SPATA9: variants seen among roughly 807,000 people sequenced by gnomAD.
SPATA9 encodes the protein spermatogenesis associated 9.
SPATA9 carries 27 observed loss-of-function variants against 25.5 expected under a neutral mutation model. The observed-to-expected ratio is 1.06, with a 90% CI of 0.78 to 1.46. The LOEUF (loss-of-function observed/expected upper bound fraction) is 1.46. Among genes scored for constraint, SPATA9 ranks in the 40% most tolerant of loss-of-function variants. SPATA9 has a pLI of 0.00. For synonymous variants in SPATA9, 102 were observed against 105.7 expected (o/e 0.97, Z 0.21); for missense variants, 282 against 297.5 (o/e 0.95, Z 0.38).
At chr5:95,713,372 T>A in the SPATA9 span, 4 of 151,940 alleles carry the variant, frequency 2.6e-5, no homozygotes, top group Non-Finnish European at 4.4e-5. Flanking sequence ...GGTGATTGGA[T>A]CATGGCGGTG....
At chr5:95,703,775 A>G in the SPATA9 span, among the ~76,000 whole-genome samples, 949 of 152,356 alleles carry the variant, frequency 6.2e-3, 8 homozygotes, top group African/African-American at 0.021. Flanking sequence ...ACAAAATAGT[A>G]AACATGTATT....
chr5:95,726,509 A>C, the SPATA9 span, among the ~76,000 whole-genome samples: 1 of 152,262 alleles, frequency 6.6e-6, no homozygotes, highest in African/African-American at 2.4e-5. Context: ...TAACTATAAT[A>C]TGCACTTAGG....
intron 4 of SPATA9, among the ~76,000 whole-genome samples, chr5:95,662,919 A>G (rs1751397761): frequency 6.6e-6 from 1 of 152,202 alleles, no homozygotes. Flanking sequence ...GATTGACAAT[A>G]CTGTCAGTAA....
rs1438357947 is a variant in SPATA9, at chr5:95,672,586, AAAG to A, written c.378+2823_378+2825del. ...CACATAAGATAATTAGAATAAGGGC[AAAG>A]AAGAAGAGATTTCATAGTCATGGAT... On this transcript the variant is annotated intron_variant, in intron 3 of 4. Coordinates refer to ENST00000274432, the MANE Select transcript of SPATA9 (RefSeq NM_031952.4). Among the ~76,000 whole-genome samples, 8 of 152,302 alleles carry A rather than the reference AAAG, an allele frequency of 5.3e-5. No homozygotes were observed. In the South Asian group the frequency reaches 1.2e-3, roughly 24 times the overall value.
intron 1 of SPATA9, among the ~76,000 whole-genome samples, chr5:95,698,272 G>T (rs1056393602): frequency 1.1e-4 from 17 of 152,178 alleles, no homozygotes; most frequent in East Asian, 7.7e-4. Flanking sequence ...TAAGCAGACA[G>T]TGGGGCTGGA....
chr5:95,669,390 C>T (rs983932642), intron 3 of SPATA9, among the ~76,000 whole-genome samples: 1 of 152,058 alleles, frequency 6.6e-6, no homozygotes, highest in African/African-American at 2.4e-5. Context: ...GTTTAAACCC[C>T]AAATTGGAGT....
chr5:95,723,764 C>T, the SPATA9 span, among the ~76,000 whole-genome samples: 2 of 152,162 alleles, frequency 1.3e-5, no homozygotes, highest in Non-Finnish European at 2.9e-5. Flanking sequence ...TAGCCAGCCC[C>T]AGTGCTGTGT....
chr5:95,688,917 A>T (rs1418869027), intron 1 of SPATA9, among the ~76,000 whole-genome samples: 5 of 152,236 alleles, frequency 3.3e-5, no homozygotes, highest in Non-Finnish European at 4.4e-5. Flanking sequence ...AAAATCTATT[A>T]GTTACATCTC....
At chr5:95,693,359 A>G (rs554861116) in intron 1 of SPATA9, among the ~76,000 whole-genome samples, 44 of 152,378 alleles carry the variant, frequency 2.9e-4, no homozygotes, top group South Asian at 1.4e-3. Flanking sequence ...AATAAAGCAT[A>G]ATATATCCAT....
At chr5:95,683,661 C>T (rs1277308192), upstream of SPATA9, among the ~76,000 whole-genome samples, 4 of 152,138 alleles carry the variant, frequency 2.6e-5, no homozygotes, top group Non-Finnish European at 4.4e-5. Flanking sequence ...TCTCAGCCTC[C>T]CGAGTAGCTG....
downstream of SPATA9, chr5:95,654,134 G>A: frequency 1.2e-6 from 2 of 1,612,116 alleles, no homozygotes; most frequent in Non-Finnish European, 1.7e-6. Context: ...CAGAGAAGAT[G>A]ACATTAAAAA....
In SPATA9 at chr5:95,667,233, C is replaced by T. The variant is rs188620593; in HGVS notation, c.379-3185G>A. ...CACTACTGAATGCAGAACAAAAATG[C>T]CCACTGCAATTTCCTTCTTCCCTCT... On this transcript the variant is annotated intron_variant, in intron 3 of 4. Coordinates refer to ENST00000274432, the MANE Select transcript of SPATA9 (RefSeq NM_031952.4). 2.0e-5 allele frequency among the ~76,000 whole-genome samples: 3 copies of T among 151,738 alleles called. No individual in the cohort carries two copies. In the East Asian group the frequency reaches 5.8e-4, roughly 29 times the overall value.
intron 1 of SPATA9, among the ~76,000 whole-genome samples, chr5:95,690,411 T>A (rs576279296): frequency 3.6e-4 from 55 of 152,294 alleles, no homozygotes; most frequent in Middle Eastern, 6.8e-3. Context: ...AAATATGTGA[T>A]ACCAAGTCTG....
chr5:95,708,738 G>T, the SPATA9 span: 19 of 670,912 alleles, frequency 2.8e-5, no homozygotes, highest in Non-Finnish European at 5.2e-5. Flanking sequence ...GTTCTTCATG[G>T]GTGCGAGCTG....
In SPATA9 at chr5:95,664,073, T is replaced by G. The variant is rs762374092; in HGVS notation, c.379-25A>C. The G allele has an allele frequency of 3.0e-5, 41 of 1,388,510 alleles. No individual in the cohort carries two copies. The South Asian group carries it at 3.0e-4, about 10-fold the overall frequency. 86.0% of individuals were successfully genotyped at this position (1,388,510 alleles called of 1,614,324 possible). ...CCTGCAAAAACAGAAAAGATTTTCT[T>G]AATAAACAAACATTTTCAGTGTTTC... On this transcript the variant is annotated intron_variant, in intron 3 of 4. Transcript: ENST00000274432.
chr5:95,670,194 G>A (rs1326785147), intron 3 of SPATA9, among the ~76,000 whole-genome samples: 1 of 152,124 alleles, frequency 6.6e-6, no homozygotes, highest in African/African-American at 2.4e-5. Context: ...GGATGGCAGA[G>A]GGAGCTCCTG....
intron 4 of SPATA9, among the ~76,000 whole-genome samples, chr5:95,663,392 G>A (rs1751455352): frequency 6.6e-6 from 1 of 152,270 alleles, no homozygotes; most frequent in African/African-American, 2.4e-5. Flanking sequence ...GAGGCTTCTG[G>A]AATTATGGTA....
chr5:95,670,499 C>A (rs1580313483), intron 3 of SPATA9: 1 of 152,170 alleles, frequency 6.6e-6, no homozygotes, highest in Admixed American at 6.5e-5. Context: ...TTGAAAGACA[C>A]CTTCAGGTAA....
the SPATA9 span, chr5:95,731,672 G>A: frequency 3.1e-6 from 5 of 1,613,346 alleles, no homozygotes; most frequent in East Asian, 6.7e-5. Context: ...CCTGCCCTTG[G>A]ATTTGAGATC....
Sources: gnomAD v4.1 joint callset for allele counts (sites outside exome capture counted in the v4.1 genomes callset) on GRCh38, gnomAD v4.1.1 for gene constraint, MANE v1.5 for transcripts, NCBI Gene and HGNC (gene_info 2026-07-23, HGNC 2026-07-21) for gene names.